The following MARCHF1 variants were observed in gnomAD, a reference collection of about 807,000 sequenced individuals.
MARCHF1 encodes the protein membrane associated ring-CH-type finger 1, also known as E3 ubiquitin-protein ligase MARCHF1.
MARCHF1 carries 40 observed loss-of-function variants against 54.2 expected under a neutral mutation model. That is an observed-to-expected ratio of 0.74 (90% CI 0.57 to 0.96). MARCHF1 has a LOEUF of 0.96. MARCHF1 is among the 40% of genes least tolerant of loss of function. The pLI is 0.00. For missense variants in MARCHF1, 586 were observed against 656.5 expected (o/e 0.89, Z 1.17); for synonymous variants, 236 against 236.3 (o/e 1.00, Z 0.01).
intron 9 of MARCHF1, among the ~76,000 whole-genome samples, chr4:163,538,758 T>C (rs1232137001): frequency 4.2e-5 from 6 of 144,228 alleles, no homozygotes; most frequent in Non-Finnish European, 9.3e-5. Flanking sequence ...TTCATTTCCT[T>C]GAGATATTAA....
At chr4:163,686,917 A>T (rs768129677) in intron 5 of MARCHF1, among the ~76,000 whole-genome samples, 1 of 152,210 alleles carries the variant, frequency 6.6e-6, no homozygotes, top group Non-Finnish European at 1.5e-5. Context: ...AGAACAAGTA[A>T]GTTTTTGCAA....
intron 4 of MARCHF1, among the ~76,000 whole-genome samples, chr4:163,737,883 A>C (rs961349112): frequency 1.2e-5 from 1 of 84,646 alleles, no homozygotes; most frequent in African/African-American, 3.0e-5. Context: ...TAGAAATACC[A>C]TTTGACCCAG....
chr4:164,167,330 T>C (rs1730408467), intron 1 of MARCHF1, among the ~76,000 whole-genome samples: 1 of 151,808 alleles, frequency 6.6e-6, no homozygotes, highest in African/African-American at 2.4e-5. Flanking sequence ...GAAGAATTAT[T>C]AATATTGTTA....
At chr4:164,307,430 T>C (rs902007674) in intron 1 of MARCHF1, among the ~76,000 whole-genome samples, 6 of 152,164 alleles carry the variant, frequency 3.9e-5, no homozygotes, top group African/African-American at 1.4e-4. Context: ...AATAAAACAA[T>C]GGATGTGTCA....
intron 7 of MARCHF1, among the ~76,000 whole-genome samples, chr4:163,601,298 TG>T (rs1191689723): frequency 6.6e-5 from 10 of 152,162 alleles, no homozygotes; most frequent in African/African-American, 2.4e-4. Flanking sequence ...ATACACACAA[TG>T]TTTATTTTCT....
chr4:164,068,381 C>T lies in MARCHF1; in HGVS notation c.-248+43207G>A, dbSNP rs577850166. ...GACCGGAGCCGCCTCCCTCAGCTTG[C>T]GGGGAGGTGTGGAGGGAGAGGCATG... On this transcript the variant is annotated intron_variant, in intron 2 of 9. Coordinates refer to ENST00000514618, the MANE Select transcript of MARCHF1 (RefSeq NM_001394959.1). Among the ~76,000 whole-genome samples, 15 of 152,188 alleles carry T rather than the reference C, an allele frequency of 9.9e-5. No individual in the cohort carries two copies. The South Asian group carries it at 1.0e-3, about 11-fold the overall frequency.
intron 2 of MARCHF1, among the ~76,000 whole-genome samples, chr4:164,038,391 G>T (rs1754054910): frequency 6.6e-6 from 1 of 152,224 alleles, no homozygotes; most frequent in Non-Finnish European, 1.5e-5. Flanking sequence ...TACTTGGGAG[G>T]CTGAGGCAGG....
chr4:164,095,564 AT>A (rs1289824221), intron 2 of MARCHF1, among the ~76,000 whole-genome samples: 2 of 152,084 alleles, frequency 1.3e-5, no homozygotes, highest in African/African-American at 4.8e-5. Flanking sequence ...TATTTAAGTG[AT>A]TTTTGATACT....
At chr4:163,975,132 C>T (rs1377244573) in intron 3 of MARCHF1, among the ~76,000 whole-genome samples, 1 of 149,354 alleles carries the variant, frequency 6.7e-6, no homozygotes, top group Non-Finnish European at 1.5e-5. Context: ...TCTCAGCCTC[C>T]ATAATTACAT....
chr4:163,837,973 GT>G (rs1012554311), intron 4 of MARCHF1, among the ~76,000 whole-genome samples: 24 of 152,020 alleles, frequency 1.6e-4, no homozygotes, highest in African/African-American at 5.1e-4. Context: ...ATTCTTCAAA[GT>G]TTGAAAGCTA....
intron 1 of MARCHF1, among the ~76,000 whole-genome samples, chr4:164,349,224 C>T (rs372974404): frequency 1.6e-4 from 25 of 152,222 alleles, no homozygotes; most frequent in East Asian, 1.9e-4. Flanking sequence ...CCTCTTAAAA[C>T]GACACAAATG....
chr4:164,294,604 T>C (rs949750438), intron 1 of MARCHF1, among the ~76,000 whole-genome samples: 1 of 152,216 alleles, frequency 6.6e-6, no homozygotes, highest in African/African-American at 2.4e-5. Flanking sequence ...CTATGAAATC[T>C]TGTCAATCAA....
In MARCHF1 at chr4:163,687,892, G is replaced by A. The variant is rs113048289; in HGVS notation, c.162+12921C>T. On this transcript the variant is annotated intron_variant, in intron 5 of 9. Coordinates refer to ENST00000514618, the MANE Select transcript of MARCHF1 (RefSeq NM_001394959.1). ...TGTAAATTTTAATGAAATGAGAATC[G>A]AATGAGGGAATACATGATGTGACTC... Among the ~76,000 whole-genome samples, 131 of 152,214 alleles carry A rather than the reference G, an allele frequency of 8.6e-4. 1 individual carries two copies. The highest frequency in any genetic ancestry group is 2.6e-3 in the African/African-American group (109 of 41,538).
chr4:164,347,624 A>G (rs1730145265), intron 1 of MARCHF1, among the ~76,000 whole-genome samples: 1 of 152,210 alleles, frequency 6.6e-6, no homozygotes, highest in Non-Finnish European at 1.5e-5. Flanking sequence ...TTTTTAGAAT[A>G]ATCAAAACAT....
intron 2 of MARCHF1, among the ~76,000 whole-genome samples, chr4:164,004,890 C>T (rs989970588): frequency 1.3e-5 from 2 of 150,964 alleles, no homozygotes; most frequent in Non-Finnish European, 3.0e-5. Flanking sequence ...GAAAGAGAAG[C>T]AAAAAGGTCT....
chr4:163,850,392 C>CT (rs1749610693), intron 4 of MARCHF1, among the ~76,000 whole-genome samples: 1 of 152,208 alleles, frequency 6.6e-6, no homozygotes. Context: ...CTCTGTTACT[C>CT]TTCTGTATGA....
chr4:164,188,675 G>C, intron 1 of MARCHF1: 2 of 1,118,278 alleles, frequency 1.8e-6, no homozygotes, highest in Non-Finnish European at 2.8e-6. Context: ...GTGGCTCATC[G>C]GCCGCACGTG....
At chr4:164,173,928 T>C (rs1730592862) in intron 1 of MARCHF1, among the ~76,000 whole-genome samples, 1 of 152,196 alleles carries the variant, frequency 6.6e-6, no homozygotes, top group Non-Finnish European at 1.5e-5. Context: ...TTAAAACATG[T>C]TTCCCAATTT....
intron 1 of MARCHF1, among the ~76,000 whole-genome samples, chr4:164,321,449 A>G (rs776550933): frequency 3.3e-5 from 5 of 151,880 alleles, no homozygotes; most frequent in Non-Finnish European, 5.9e-5. Context: ...GATAATAAAC[A>G]TAATACATCC....
Sources: allele counts gnomAD v4.1 joint callset (sites outside exome capture counted in the v4.1 genomes callset), GRCh38; gene constraint gnomAD v4.1.1; transcripts MANE v1.5; gene names NCBI Gene and HGNC (gene_info 2026-07-23, HGNC 2026-07-21).